AADAT: variants seen among roughly 807,000 people sequenced by gnomAD.
AADAT encodes kynurenine/alpha-aminoadipate aminotransferase, mitochondrial.
A neutral mutation model predicts 56.2 loss-of-function variants in AADAT; 25 were observed. The ratio of observed to expected loss-of-function variants is 0.44; its 90% CI spans 0.32 to 0.62. The LOEUF (loss-of-function observed/expected upper bound fraction) is 0.62. AADAT is among the 20% of genes least tolerant of loss of function. AADAT has a pLI of 0.04. For synonymous variants in AADAT, 173 were observed against 164.7 expected (o/e 1.05, Z -0.39); for missense variants, 387 against 510.5 (o/e 0.76, Z 2.33).
chr4:170,091,375 C>T (rs1180848473), upstream of AADAT, among the ~76,000 whole-genome samples: 1 of 152,182 alleles, frequency 6.6e-6, no homozygotes, highest in Non-Finnish European at 1.5e-5. Context: ...GCACCCGGGC[C>T]AGCAGCTGCG....
chr4:170,090,926 C>CAAA (rs2111225732), upstream of AADAT, among the ~76,000 whole-genome samples: 1 of 152,340 alleles, frequency 6.6e-6, no homozygotes, highest in South Asian at 2.1e-4. Flanking sequence ...AAATGGCTCT[C>CAAA]TTTTAAGTTT....
chr4:170,085,674 CTT>C (rs377281436), intron 3 of AADAT, among the ~76,000 whole-genome samples: 233 of 152,256 alleles, frequency 1.5e-3, no homozygotes, highest in African/African-American at 5.3e-3. Flanking sequence ...AAAAAATACT[CTT>C]ATATCATTCT....
Position 170,070,672 on chromosome 4 carries a change from TTG to T in AADAT, c.655-22_655-21del, listed in dbSNP as rs770180494. 19 of 1,457,970 alleles carry T rather than the reference TTG, an allele frequency of 1.3e-5. No homozygotes were observed. The East Asian group carries it at 4.4e-4, about 34-fold the overall frequency. 90.3% of individuals were successfully genotyped at this position (1,457,970 alleles called of 1,614,324 possible). ...TGCAAGCTAAAAAAGGTTGAAGTAA[TTG>T]TTTATTTCTTAATCTATTTATTTCT... On this transcript the variant is annotated intron_variant, in intron 5 of 12. Transcript: ENST00000337664.
At chr4:170,092,623 T>G (rs557292404), upstream of AADAT, among the ~76,000 whole-genome samples, 2 of 152,214 alleles carry the variant, frequency 1.3e-5, no homozygotes, top group Non-Finnish European at 2.9e-5. Flanking sequence ...GCAAAATGCT[T>G]CTGCGTTCAG....
intron 7 of AADAT, 31 bp from the exon 8 acceptor site, chr4:170,068,718 A>G (rs1581573853): frequency 1.4e-6 from 2 of 1,395,450 alleles, no homozygotes; most frequent in East Asian, 4.6e-5. Context: ...CACGATACCA[A>G]TTCCATATTA....
rs780401971 is a variant in AADAT at position 170,068,595 on chromosome 4, T to C, written c.896A>G (p.Asn299Ser). ...GATTTCCTAAATTGTCCTTACCTGG[T>C]TAAAAGTGCTGGGGTGCAATGTTGA... ...QVSTLHPSTF[N>S]QLMISQLLHE... The change falls in exon 8 of 13, where the codon AAC becomes AGC. Residue 299 changes from asparagine to serine, a missense_variant. Transcript: ENST00000337664. 1.3e-6 allele frequency: 2 copies of C among 1,593,252 alleles called. No individual in the cohort carries two copies. Among genetic ancestry groups the C allele is most frequent in the Admixed American group, 3.7e-5 (2 of 53,698 alleles).
chr4:170,073,037 A>G, intron 5 of AADAT, 99 bp downstream of exon 5: 2 of 1,142,812 alleles, frequency 1.8e-6, no homozygotes, highest in East Asian at 4.8e-5. Context: ...TATTCCTTGA[A>G]AGCAAAAGGC....
At position 170,080,190 on chromosome 4, in the gene AADAT, A is replaced by G. The variant is rs893229594; in HGVS notation, c.370-1607T>C. On this transcript the variant is annotated intron_variant, in intron 3 of 12. Transcript: ENST00000337664. ...TACAGTGCTAAAATTTACACCAGAA[A>G]CAACCCAGAACTCAAATATGAGGAT... Among the ~76,000 whole-genome samples, 3 of 152,204 alleles carry G rather than the reference A, an allele frequency of 2.0e-5. No homozygotes were observed. The South Asian group carries it at 6.2e-4, about 31-fold the overall frequency.
At chr4:170,068,932 G>A (rs770708371) in intron 7 of AADAT, among the ~76,000 whole-genome samples, 12 of 152,078 alleles carry the variant, frequency 7.9e-5, no homozygotes, top group African/African-American at 2.7e-4. Flanking sequence ...TGACTGGTCC[G>A]ACTACAACTT....
At chr4:170,087,644 C>A (rs1409441318) in intron 2 of AADAT, among the ~76,000 whole-genome samples, 1 of 152,080 alleles carries the variant, frequency 6.6e-6, no homozygotes, top group Non-Finnish European at 1.5e-5. Context: ...TTTGAATAAG[C>A]CTATGTATAT....
chr4:170,090,246 T>G (rs905156267), upstream of AADAT: 5 of 152,166 alleles, frequency 3.3e-5, no homozygotes, highest in Non-Finnish European at 7.3e-5. Flanking sequence ...GAAGTGCCCG[T>G]GATCCTAATC....
At chr4:170,069,494 A>G (rs11735565) in intron 6 of AADAT, among the ~76,000 whole-genome samples, 9,232 of 152,302 alleles carry the variant, frequency 0.061, 379 homozygotes, top group Non-Finnish European at 0.092. Flanking sequence ...TATGAACTTA[A>G]GGAAACTTCA....
chr4:170,092,735 G>C (rs1239742069), upstream of AADAT, among the ~76,000 whole-genome samples: 2 of 152,224 alleles, frequency 1.3e-5, no homozygotes, highest in Non-Finnish European at 1.5e-5. Flanking sequence ...CAGGCATGTT[G>C]ACAGGAATAA....
chr4:170,072,287 A>G (rs1004036450), intron 5 of AADAT, among the ~76,000 whole-genome samples: 1 of 146,320 alleles, frequency 6.8e-6, no homozygotes, highest in Non-Finnish European at 1.5e-5. Flanking sequence ...GTGTGTATAT[A>G]TATGTGTGTG....
Position 170,073,106 on chromosome 4 carries a change from C to T in AADAT, c.654+30G>A. Reference sequence around the variant, plus strand: ...AAAAAGTCACAGAGAAACAGGAACACAACTACTTTAACCCATTCTTCTACA... The same window carrying T: ...AAAAAGTCACAGAGAAACAGGAACATAACTACTTTAACCCATTCTTCTACA... On this transcript the variant is annotated intron_variant, in intron 5 of 12. Coordinates refer to ENST00000337664, the MANE Select transcript of AADAT (RefSeq NM_016228.4). The T allele has an allele frequency of 2.5e-6, 4 of 1,603,928 alleles. No homozygotes were observed. In the South Asian group the frequency reaches 3.3e-5, roughly 13 times the overall value.
chr4:170,080,840 A>G (rs1404759394), intron 3 of AADAT, among the ~76,000 whole-genome samples: 1 of 152,116 alleles, frequency 6.6e-6, no homozygotes, highest in Non-Finnish European at 1.5e-5. Flanking sequence ...GACAAATCAA[A>G]CAAACAAACA....
At chr4:170,077,236 T>G (rs1732084212) in intron 4 of AADAT, among the ~76,000 whole-genome samples, 1 of 152,234 alleles carries the variant, frequency 6.6e-6, no homozygotes, top group Non-Finnish European at 1.5e-5. Flanking sequence ...AAAAGGCTGT[T>G]GGCATATCGA....
chr4:170,086,527 A>C (rs554795561), intron 3 of AADAT, among the ~76,000 whole-genome samples: 2 of 152,288 alleles, frequency 1.3e-5, no homozygotes, highest in Admixed American at 6.5e-5. Flanking sequence ...AGATATGTAA[A>C]AGAATATAAA....
At chr4:170,090,266 C>G (rs893931014), upstream of AADAT, 6 of 152,254 alleles carry the variant, frequency 3.9e-5, no homozygotes, top group Non-Finnish European at 7.3e-5. Context: ...CCTCGGGAAC[C>G]ATCTGGCGGC....
Sources: allele counts gnomAD v4.1 joint callset (sites outside exome capture counted in the v4.1 genomes callset), GRCh38; gene constraint gnomAD v4.1.1; transcripts MANE v1.5; gene names NCBI Gene and HGNC (gene_info 2026-07-23, HGNC 2026-07-21).